The following SLC49A4 variants were observed in gnomAD, a reference collection of about 807,000 sequenced individuals.
SLC49A4 encodes solute carrier family 49 member 4, also known as disrupted in renal cancer protein 2.
SLC49A4 carries 36 observed loss-of-function variants against 50.6 expected under a neutral mutation model. The ratio of observed to expected loss-of-function variants is 0.71; its 90% CI spans 0.55 to 0.94. The LOEUF (loss-of-function observed/expected upper bound fraction) is 0.94, where lower values mean the gene tolerates loss of function less well. SLC49A4 is among the 40% of genes least tolerant of loss of function. SLC49A4 has a pLI of 0.00. For synonymous variants in SLC49A4, 248 were observed against 241.2 expected (o/e 1.03, Z -0.26); for missense variants, 503 against 605.7 (o/e 0.83, Z 1.78).
Position 122,802,393 on chromosome 3 carries a change from A to G in SLC49A4, c.344-4464A>G, listed in dbSNP as rs373113466. The stretch of plus-strand genomic sequence containing the variant: ...CCAACATAGCTAGAATTCTTAAGGT[A>G]TAAAACAACAGAGGAGGAAACTTTA... On this transcript the variant is annotated intron_variant, in intron 1 of 8. Coordinates refer to ENST00000261038, the MANE Select transcript of SLC49A4 (RefSeq NM_032839.3). Among the ~76,000 whole-genome samples the G allele has an allele frequency of 8.5e-5, 13 of 152,328 alleles. 2 individuals carry two copies. Among genetic ancestry groups the G allele is most frequent in the East Asian group, 1.9e-4 (1 of 5,190 alleles).
intron 2 of SLC49A4, among the ~76,000 whole-genome samples, 183 bp downstream of exon 2, chr3:122,807,133 G>A (rs1936231130): frequency 6.6e-6 from 1 of 151,942 alleles, no homozygotes; most frequent in South Asian, 2.1e-4. Context: ...AATAAAAAGA[G>A]CAAGTTAATC....
intron 2 of SLC49A4, among the ~76,000 whole-genome samples, chr3:122,809,654 A>G (rs879523946): frequency 7.2e-5 from 11 of 152,174 alleles, no homozygotes; most frequent in African/African-American, 1.9e-4. Flanking sequence ...TATCCTTTCC[A>G]TATACAAAAT....
intron 5 of SLC49A4, among the ~76,000 whole-genome samples, chr3:122,849,502 T>G (rs1936897904): frequency 6.6e-6 from 1 of 152,200 alleles, no homozygotes; most frequent in Admixed American, 6.5e-5. Context: ...CTTTTTGTCT[T>G]TTTGGTGATA....
At chr3:122,877,179 C>T (rs1181029560) in intron 8 of SLC49A4, among the ~76,000 whole-genome samples, 1 of 152,122 alleles carries the variant, frequency 6.6e-6, no homozygotes, top group East Asian at 1.9e-4. Flanking sequence ...AAGTCATTTC[C>T]TTGCTTATTA....
At chr3:122,795,610 C>A in intron 1 of SLC49A4, 75 bp downstream of exon 1, 1 of 1,506,320 alleles carries the variant, frequency 6.6e-7, no homozygotes, top group Non-Finnish European at 8.8e-7. Context: ...CCAGGCCTGC[C>A]AGCCGCCTCC....
rs1220047354 is a variant in SLC49A4 at position 122,880,701 on chromosome 3, T to C, written c.*1323T>C. 6.6e-6 allele frequency: 1 copy of C among 152,266 alleles called. No homozygotes were observed. Among genetic ancestry groups the C allele is most frequent in the Non-Finnish European group, 1.5e-5 (1 of 68,090 alleles). 9.4% of individuals were successfully genotyped at this position (152,266 alleles called of 1,614,324 possible). On this transcript the variant is annotated 3_prime_UTR_variant, in exon 9 of 9. Transcript: ENST00000261038. Reference sequence around the variant, plus strand: ...TCAGCTAAGTATATATACTTTTGTGTTTTCCTGGACAGAGTGCAAGTGGCT... The same window carrying C: ...TCAGCTAAGTATATATACTTTTGTGCTTTCCTGGACAGAGTGCAAGTGGCT...
rs556790537 is a variant in SLC49A4, at chr3:122,823,403, C to T, written c.438-3397C>T. Among the ~76,000 whole-genome samples the T allele has an allele frequency of 7.2e-5, 11 of 152,364 alleles. No homozygotes were observed. The East Asian group carries it at 2.1e-3, about 29-fold the overall frequency. On this transcript the variant is annotated intron_variant, in intron 2 of 8. Coordinates refer to ENST00000261038, the MANE Select transcript of SLC49A4 (RefSeq NM_032839.3). ...GGACATGCAGAGACCTCCATCTGTA[C>T]TCTTGTCATAGGCAGCATAAGCATA... is the stretch of plus-strand genomic sequence containing the variant.
chr3:122,833,963 T>C (rs1936640711), intron 4 of SLC49A4, among the ~76,000 whole-genome samples: 1 of 152,176 alleles, frequency 6.6e-6, no homozygotes, highest in Non-Finnish European at 1.5e-5. Flanking sequence ...AAACCAAATA[T>C]ATTATTTAAT....
chr3:122,829,925 A>G (rs535587953), intron 3 of SLC49A4, among the ~76,000 whole-genome samples: 17 of 152,238 alleles, frequency 1.1e-4, no homozygotes, highest in Non-Finnish European at 2.4e-4. Flanking sequence ...TCTGTTGAAA[A>G]TGATCTTGAA....
intron 2 of SLC49A4, among the ~76,000 whole-genome samples, chr3:122,825,280 C>T (rs16833564): frequency 0.05 from 7,596 of 152,198 alleles, 603 homozygotes; most frequent in African/African-American, 0.17. Flanking sequence ...GACGTTATTG[C>T]TGGAACATTT....
Position 122,864,362 on chromosome 3 carries a change from A to C in SLC49A4, c.1138+4160A>C, listed in dbSNP as rs565026724. Among the ~76,000 whole-genome samples the C allele has an allele frequency of 2.0e-5, 3 of 152,358 alleles. No individual in the cohort carries two copies. In the East Asian group the frequency reaches 5.8e-4, roughly 29 times the overall value. On this transcript the variant is annotated intron_variant, in intron 7 of 8. Transcript: ENST00000261038. ...ATGCAATAAACAAAATTTTGAAAAT[A>C]CATTATTCACCTTATCTGAGAACTA...
intron 5 of SLC49A4, among the ~76,000 whole-genome samples, chr3:122,847,737 A>T (rs1036734073): frequency 2.6e-5 from 4 of 152,116 alleles, no homozygotes; most frequent in African/African-American, 7.2e-5. Flanking sequence ...TCAAATATAG[A>T]TACATAAAAT....
chr3:122,809,342 C>T (rs1395024490), intron 2 of SLC49A4, among the ~76,000 whole-genome samples: 2 of 152,164 alleles, frequency 1.3e-5, no homozygotes, highest in African/African-American at 4.8e-5. Context: ...ATTTTTCAAA[C>T]ACCCAGAGGT....
intron 1 of SLC49A4, among the ~76,000 whole-genome samples, chr3:122,801,603 A>G (rs1029586977): frequency 3.9e-5 from 6 of 152,226 alleles, no homozygotes; most frequent in African/African-American, 1.4e-4. Context: ...AAACAAAAAA[A>G]GAAATTGAGA....
chr3:122,802,135 G>A (rs1936143132), intron 1 of SLC49A4, among the ~76,000 whole-genome samples: 1 of 152,066 alleles, frequency 6.6e-6, no homozygotes, highest in South Asian at 2.1e-4. Context: ...AACATCGTGA[G>A]ACCCTATCTC....
intron 1 of SLC49A4, among the ~76,000 whole-genome samples, chr3:122,801,624 G>A (rs189688514): frequency 6.7e-4 from 102 of 152,322 alleles, no homozygotes; most frequent in Non-Finnish European, 1.3e-3. Context: ...TTATGACATG[G>A]ATGTAGTTGT....
At chr3:122,824,662 G>C (rs13086824) in intron 2 of SLC49A4, among the ~76,000 whole-genome samples, 1 of 103,990 alleles carries the variant, frequency 9.6e-6, no homozygotes, top group Admixed American at 1.1e-4. Context: ...CCTCCCTCTC[G>C]TCTTTCCTTC....
At chr3:122,830,290 C>T (rs528027596) in intron 3 of SLC49A4, among the ~76,000 whole-genome samples, 1 of 152,106 alleles carries the variant, frequency 6.6e-6, no homozygotes, top group African/African-American at 2.4e-5. Flanking sequence ...TCCCAGCTGC[C>T]TTTGTTGCAG....
chr3:122,825,663 C>A (rs1936516005), intron 2 of SLC49A4, among the ~76,000 whole-genome samples: 1 of 151,344 alleles, frequency 6.6e-6, no homozygotes, highest in South Asian at 2.1e-4. Context: ...TTGAGACTCA[C>A]ATAGTGCTTA....
Sources: allele counts gnomAD v4.1 joint callset (sites outside exome capture counted in the v4.1 genomes callset), GRCh38; gene constraint gnomAD v4.1.1; transcripts MANE v1.5; gene names NCBI Gene and HGNC (gene_info 2026-07-23, HGNC 2026-07-21).